The following SCFD1 variants were observed in gnomAD, a reference collection of about 807,000 sequenced individuals.
SCFD1 encodes sec1 family domain-containing protein 1.
Under a neutral mutation model 103.2 loss-of-function variants are expected in SCFD1, and 37 were observed. That is an observed-to-expected ratio of 0.36 (90% CI 0.28 to 0.47). SCFD1 has a LOEUF of 0.47. Ranked by LOEUF, SCFD1 falls within the 20% of genes least tolerant of loss-of-function variation. The pLI is 1.00. For missense variants in SCFD1, 639 were observed against 761.2 expected, an observed-to-expected ratio of 0.84 and a Z score of 1.89; for synonymous variants, 264 against 245.0, an observed-to-expected ratio of 1.08 and a Z score of -0.73.
intron 23 of SCFD1, among the ~76,000 whole-genome samples, chr14:30,726,440 A>G (rs920519550): frequency 1.3e-5 from 2 of 152,168 alleles, no homozygotes; most frequent in African/African-American, 4.8e-5. Flanking sequence ...GTTCATATGA[A>G]CCTCACCAAT....
At chr14:30,709,864 C>T (rs987127643) in intron 19 of SCFD1, among the ~76,000 whole-genome samples, 1 of 152,172 alleles carries the variant, frequency 6.6e-6, no homozygotes, top group Non-Finnish European at 1.5e-5. Context: ...ATTACATAAC[C>T]ATATGTAGTT....
At chr14:30,698,904 A>G (rs1346597476) in intron 15 of SCFD1, among the ~76,000 whole-genome samples, 1 of 152,200 alleles carries the variant, frequency 6.6e-6, no homozygotes, top group African/African-American at 2.4e-5. Context: ...TGAGAGGGGA[A>G]GAGCTAGAAG....
chr14:30,623,163 A>G (rs1566565609), intron 1 of SCFD1, among the ~76,000 whole-genome samples: 1 of 152,170 alleles, frequency 6.6e-6, no homozygotes, highest in Admixed American at 6.5e-5. Context: ...TACAAACTAA[A>G]GGTTTATACT....
At chr14:30,667,958 G>T (rs1038983951) in intron 10 of SCFD1, among the ~76,000 whole-genome samples, 92 of 152,246 alleles carry the variant, frequency 6.0e-4, no homozygotes, top group Admixed American at 2.4e-3. Context: ...AATCAATATC[G>T]TGAAAACGGC....
At chr14:30,657,509 G>GA (rs1887021155) in intron 10 of SCFD1, among the ~76,000 whole-genome samples, 1 of 152,174 alleles carries the variant, frequency 6.6e-6, no homozygotes, top group Admixed American at 6.5e-5. Flanking sequence ...AAAAGGTGGT[G>GA]AAAGTAGATG....
At chr14:30,670,504 C>A in intron 11 of SCFD1, 109 bp downstream of exon 11, 1 of 659,224 alleles carries the variant, frequency 1.5e-6, no homozygotes, top group Non-Finnish European at 2.5e-6. Flanking sequence ...TTCGTTCACC[C>A]AATGAGTGGG....
chr14:30,647,044 A>C (rs1236658200), intron 7 of SCFD1, among the ~76,000 whole-genome samples: 1 of 151,808 alleles, frequency 6.6e-6, no homozygotes, highest in Non-Finnish European at 1.5e-5. Flanking sequence ...TATCTTGTTT[A>C]TTCTTTCAAA....
rs1048224353 is a variant in SCFD1, at chr14:30,656,281, G to A, written c.855+2693G>A. 3.9e-5 allele frequency among the ~76,000 whole-genome samples: 6 copies of A among 152,220 alleles called. No individual in the cohort carries two copies. The East Asian group carries it at 5.8e-4, about 15-fold the overall frequency. On this transcript the variant is annotated intron_variant, in intron 10 of 24. Transcript: ENST00000458591. The stretch of plus-strand genomic sequence containing the variant: ...CGGACAGAAAATATTTTTAAATGAC[G>A]GAAATTACAACATGTTTGTATACTA...
At chr14:30,705,743 G>C in intron 17 of SCFD1, 80 bp from the exon 18 acceptor site, 1 of 1,050,644 alleles carries the variant, frequency 9.5e-7, no homozygotes, top group Non-Finnish European at 1.5e-6. Flanking sequence ...GTTAGAGTTA[G>C]TCAGTAGATA....
chr14:30,684,655 T>C (rs1373300938), intron 14 of SCFD1, among the ~76,000 whole-genome samples: 1 of 151,694 alleles, frequency 6.6e-6, no homozygotes, highest in African/African-American at 2.4e-5. Flanking sequence ...GAGTTTATGT[T>C]CATTATATAT....
At chr14:30,707,889 A>T (rs1891585138) in intron 18 of SCFD1, 101 bp from the exon 19 acceptor site, 1 of 837,804 alleles carries the variant, frequency 1.2e-6, no homozygotes, top group Admixed American at 1.7e-5. Context: ...AGGTACAGCG[A>T]GCATCAGCAT....
intron 7 of SCFD1, 50 bp from the exon 8 acceptor site, chr14:30,649,474 GTATC>G (rs1555348947): frequency 3.6e-6 from 4 of 1,111,472 alleles, no homozygotes; most frequent in East Asian, 5.1e-5. Flanking sequence ...TATTTTATAA[GTATC>G]TATTTTAATT....
intron 1 of SCFD1, 80 bp downstream of exon 1, chr14:30,622,479 G>T: frequency 6.6e-7 from 1 of 1,515,058 alleles, no homozygotes; most frequent in South Asian, 1.2e-5. Context: ...GCAGCTCAGA[G>T]ACCGATCTCC....
chr14:30,705,296 G>A (rs1891392397), intron 17 of SCFD1, among the ~76,000 whole-genome samples: 2 of 152,184 alleles, frequency 1.3e-5, no homozygotes, highest in South Asian at 4.1e-4. Context: ...AGGACAGCAT[G>A]AGCAAAGGCA....
chr14:30,730,558 G>C (rs1477399661), intron 23 of SCFD1, among the ~76,000 whole-genome samples: 1 of 152,132 alleles, frequency 6.6e-6, no homozygotes, highest in Non-Finnish European at 1.5e-5. Context: ...ATTCTAACTG[G>C]TGTGAGATGT....
At chr14:30,636,035 C>A (rs1884690062) in intron 4 of SCFD1, among the ~76,000 whole-genome samples, 2 of 152,002 alleles carry the variant, frequency 1.3e-5, no homozygotes, top group South Asian at 4.1e-4. Flanking sequence ...TGCTTATTGG[C>A]CATTTGTATG....
At chr14:30,640,871 A>T (rs1885201107) in intron 6 of SCFD1, among the ~76,000 whole-genome samples, 1 of 152,130 alleles carries the variant, frequency 6.6e-6, no homozygotes, top group South Asian at 2.1e-4. Context: ...TTTTTGAAAG[A>T]TCACATGTTT....
At chr14:30,655,949 A>G (rs943731249) in intron 10 of SCFD1, among the ~76,000 whole-genome samples, 8 of 152,010 alleles carry the variant, frequency 5.3e-5, no homozygotes, top group African/African-American at 1.5e-4. Flanking sequence ...CAACATAAGG[A>G]AGCACCATCT....
chr14:30,641,922 A>G (rs1885316220), intron 6 of SCFD1, among the ~76,000 whole-genome samples: 1 of 152,290 alleles, frequency 6.6e-6, no homozygotes, highest in African/African-American at 2.4e-5. Flanking sequence ...CTTTCAACAT[A>G]TAGTTATTGA....
Sources: gnomAD v4.1 joint callset for allele counts (sites outside exome capture counted in the v4.1 genomes callset) on GRCh38, gnomAD v4.1.1 for gene constraint, MANE v1.5 for transcripts, NCBI Gene and HGNC (gene_info 2026-07-23, HGNC 2026-07-21) for gene names.